The following BRAF variants were observed in gnomAD, a reference collection of about 807,000 sequenced individuals.
BRAF encodes B-Raf proto-oncogene, serine/threonine kinase.
In BRAF, 16 loss-of-function variants were observed where a neutral mutation model predicts 104.6. That is an observed-to-expected ratio of 0.15 (90% CI 0.10 to 0.23). BRAF has a LOEUF of 0.23. Ranked by LOEUF, BRAF falls within the 10% of genes least tolerant of loss-of-function variation. The pLI is 1.00. For missense variants in BRAF, 541 were observed against 937.3 expected (o/e 0.58, Z 5.52); for synonymous variants, 310 against 341.6 (o/e 0.91, Z 1.02).
At chr7:140,910,854 A>G (rs926121771) in intron 1 of BRAF, among the ~76,000 whole-genome samples, 1 of 151,990 alleles carries the variant, frequency 6.6e-6, no homozygotes, top group African/African-American at 2.4e-5. Context: ...TTGTAGAGAC[A>G]GGGGCTCGCT....
intron 19 of BRAF, chr7:140,731,990 T>C (rs2130855637): frequency 2.0e-5 from 3 of 149,078 alleles, no homozygotes; most frequent in East Asian, 3.9e-4. Flanking sequence ...GCTAAAACGG[T>C]GAAACCCCGT....
chr7:140,827,143 G>T (rs1208980840), intron 3 of BRAF, among the ~76,000 whole-genome samples: 1 of 152,162 alleles, frequency 6.6e-6, no homozygotes, highest in East Asian at 1.9e-4. Context: ...AGATGATGAG[G>T]TTTAAATCAA....
chr7:140,786,218 T>G (rs954295894), intron 9 of BRAF, among the ~76,000 whole-genome samples: 1 of 152,226 alleles, frequency 6.6e-6, no homozygotes, highest in East Asian at 1.9e-4. Context: ...TGTGCTAACA[T>G]CAATACCAAG....
intron 18 of BRAF, among the ~76,000 whole-genome samples, chr7:140,738,690 C>T (rs1310576413): frequency 6.6e-6 from 1 of 152,172 alleles, no homozygotes; most frequent in Non-Finnish European, 1.5e-5. Flanking sequence ...CATCTCAGCT[C>T]ATTACAATCT....
intron 18 of BRAF, among the ~76,000 whole-genome samples, chr7:140,736,541 C>A (rs1017411700): frequency 2.6e-5 from 4 of 151,684 alleles, no homozygotes. Flanking sequence ...GATTTTCCTG[C>A]CTCAGCCTCC....
chr7:140,753,600 AT>A (rs1797964163), intron 15 of BRAF: 1 of 436,134 alleles, frequency 2.3e-6, no homozygotes, highest in East Asian at 4.5e-5. Context: ...TGCTTTTAAG[AT>A]TTTTGGGGCT....
intron 3 of BRAF, among the ~76,000 whole-genome samples, chr7:140,814,830 A>C (rs145232836): frequency 1.4e-5 from 2 of 145,914 alleles, no homozygotes; most frequent in Non-Finnish European, 3.0e-5. Context: ...ATTTATATAT[A>C]TTATATATAT....
chr7:140,757,951 G>C (rs1309156892), intron 14 of BRAF: 1 of 152,168 alleles, frequency 6.6e-6, no homozygotes, highest in Non-Finnish European at 1.5e-5. Context: ...AACAATGAGA[G>C]ATTATCATTA....
chr7:140,827,361 T>A (rs1346778700), intron 3 of BRAF, among the ~76,000 whole-genome samples: 1 of 152,180 alleles, frequency 6.6e-6, no homozygotes, highest in Non-Finnish European at 1.5e-5. Context: ...GCCTGAGTGC[T>A]ATTACCACTC....
chr7:140,805,796 A>G (rs560947356), intron 5 of BRAF, among the ~76,000 whole-genome samples: 3 of 152,326 alleles, frequency 2.0e-5, no homozygotes, highest in Admixed American at 6.5e-5. Flanking sequence ...ATATGAAACC[A>G]TGAGGCATAA....
At chr7:140,849,672 C>T (rs745325771) in intron 2 of BRAF, among the ~76,000 whole-genome samples, 2 of 151,744 alleles carry the variant, frequency 1.3e-5, no homozygotes, top group Non-Finnish European at 2.9e-5. Flanking sequence ...ATTAGGTGGA[C>T]GTGGTAATGT....
At chr7:140,892,963 C>T (rs148839122) in intron 1 of BRAF, among the ~76,000 whole-genome samples, 3 of 152,286 alleles carry the variant, frequency 2.0e-5, no homozygotes, top group Non-Finnish European at 2.9e-5. Flanking sequence ...CTAAAGGCAG[C>T]TGAGCAGAAC....
At chr7:140,845,307 T>C (rs1044649952) in intron 2 of BRAF, among the ~76,000 whole-genome samples, 1 of 152,098 alleles carries the variant, frequency 6.6e-6, no homozygotes, top group African/African-American at 2.4e-5. Flanking sequence ...GGCATTGGAT[T>C]TGGTGATGAT....
intron 17 of BRAF, among the ~76,000 whole-genome samples, chr7:140,741,992 C>T (rs1224314832): frequency 6.6e-6 from 1 of 151,952 alleles, no homozygotes; most frequent in Non-Finnish European, 1.5e-5. Context: ...ATCTATAACA[C>T]CACTACCTCC....
intron 2 of BRAF, among the ~76,000 whole-genome samples, chr7:140,847,967 G>C (rs1433043117): frequency 6.6e-6 from 1 of 152,136 alleles, no homozygotes; most frequent in Non-Finnish European, 1.5e-5. Flanking sequence ...AAGTCCCCAA[G>C]ATAAGAATCT....
At chr7:140,832,665 G>A (rs1234660548) in intron 3 of BRAF, among the ~76,000 whole-genome samples, 2 of 152,088 alleles carry the variant, frequency 1.3e-5, no homozygotes, top group Admixed American at 6.6e-5. Context: ...GGAGTATGAC[G>A]GACAAGAACA....
intron 1 of BRAF, among the ~76,000 whole-genome samples, chr7:140,876,362 T>C (rs1034279695): frequency 1.2e-4 from 18 of 152,120 alleles, no homozygotes; most frequent in African/African-American, 4.3e-4. Flanking sequence ...ACAGAATGGC[T>C]AAAAGTTGTT....
chr7:140,839,939 T>C (rs1419063860), intron 2 of BRAF, among the ~76,000 whole-genome samples: 2 of 152,132 alleles, frequency 1.3e-5, no homozygotes, highest in Admixed American at 6.5e-5. Context: ...CTCTGAGGTA[T>C]TTTTGCCCAT....
Position 140,778,203 on chromosome 7 carries a change from A to T in BRAF, c.1553-128T>A, listed in dbSNP as rs968697796. On this transcript the variant is annotated intron_variant, in intron 12 of 19. Transcript: ENST00000644969. ...ACCATTATTAAATCACAAATAAATT[A>T]TACTTTAGCTATCTAAACTCCATTT... The T allele has an allele frequency of 1.3e-5, 11 of 847,014 alleles. No individual in the cohort carries two copies. In the African/African-American group the frequency reaches 1.9e-4, roughly 14 times the overall value. 52.5% of individuals were successfully genotyped at this position (847,014 alleles called of 1,614,324 possible).
Sources: gnomAD v4.1 joint callset for allele counts (sites outside exome capture counted in the v4.1 genomes callset) on GRCh38, gnomAD v4.1.1 for gene constraint, MANE v1.5 for transcripts, NCBI Gene and HGNC (gene_info 2026-07-23, HGNC 2026-07-21) for gene names.